Variants in MYH11 observed in about 807,000 individuals in gnomAD.
MYH11 encodes myosin-11.
A neutral mutation model predicts 246.6 loss-of-function variants in MYH11; 80 were observed. That is an observed-to-expected ratio of 0.32 (90% CI 0.27 to 0.39). The LOEUF is 0.39. Among genes scored for constraint, MYH11 ranks in the 10% least tolerant of loss-of-function variants. The pLI is 1.00. For synonymous variants in MYH11, 1,071 were observed against 1,015.5 expected (o/e 1.05, Z -1.04); for missense variants, 2,158 against 2,546.8 (o/e 0.85, Z 3.29).
chr16:15,784,540 G>A (rs1234660422), intron 5 of MYH11, among the ~76,000 whole-genome samples: 4 of 151,950 alleles, frequency 2.6e-5, no homozygotes, highest in Admixed American at 2.6e-4. Context: ...CCCACAGGAT[G>A]GTATTTTGGT....
intron 27 of MYH11, among the ~76,000 whole-genome samples, chr16:15,728,226 C>CTCAA (rs930269890): frequency 1.1e-4 from 17 of 152,128 alleles, no homozygotes; most frequent in African/African-American, 3.9e-4. Context: ...GAGACTCCAT[C>CTCAA]TCAATCAATC....
chr16:15,825,693 G>A (rs1011780832), intron 2 of MYH11, among the ~76,000 whole-genome samples: 1 of 152,024 alleles, frequency 6.6e-6, no homozygotes, highest in Non-Finnish European at 1.5e-5. Flanking sequence ...GGGTGAATAG[G>A]AGCATCTGAA....
chr16:15,828,686 G>A (rs1159260246), intron 2 of MYH11, among the ~76,000 whole-genome samples: 2 of 150,796 alleles, frequency 1.3e-5, no homozygotes, highest in African/African-American at 2.4e-5. Flanking sequence ...CCAGCTAGTC[G>A]GGAGGCCGAG....
chr16:15,725,577 C>A, intron 28 of MYH11: 1 of 406,604 alleles, frequency 2.5e-6, no homozygotes. Flanking sequence ...TGTTAGCCTA[C>A]CCCTCCATCT....
At chr16:15,711,673 T>C (rs1410166332) in intron 40 of MYH11, among the ~76,000 whole-genome samples, 1 of 152,148 alleles carries the variant, frequency 6.6e-6, no homozygotes, top group Non-Finnish European at 1.5e-5. Context: ...AGGTTCACTC[T>C]GCCTGGTGCT....
At chr16:15,813,403 A>C (rs1010888811) in intron 3 of MYH11, among the ~76,000 whole-genome samples, 2 of 151,440 alleles carry the variant, frequency 1.3e-5, no homozygotes, top group African/African-American at 4.9e-5. Context: ...TTATAATTTA[A>C]TTTTTTTTTA....
chr16:15,745,110 G>T lies in MYH11; in HGVS notation c.2520+19C>A, dbSNP rs764150238. On this transcript the variant is annotated intron_variant, in intron 20 of 40. Coordinates refer to ENST00000300036, the MANE Select transcript of MYH11 (RefSeq NM_002474.3). ...AGGGCTGGGGGCCCCTGGGAAGGGG[G>T]CTGGGGCAGAGCACTCACTTTGGTG... The T allele has an allele frequency of 1.9e-6, 3 of 1,601,708 alleles. No homozygotes were observed. The highest frequency in any genetic ancestry group is 2.6e-6 in the Non-Finnish European group (3 of 1,168,898).
intron 8 of MYH11, chr16:15,775,756 T>G (rs959344980): frequency 2.8e-6 from 1 of 354,770 alleles, no homozygotes; most frequent in African/African-American, 2.1e-5. Context: ...AATGTCTTTC[T>G]CCCTTTCCTT....
At chr16:15,742,878 C>T (rs1453141109) in intron 20 of MYH11, among the ~76,000 whole-genome samples, 1 of 151,580 alleles carries the variant, frequency 6.6e-6, no homozygotes, top group Non-Finnish European at 1.5e-5. Context: ...TGCAGTGACA[C>T]AATCATAGCT....
chr16:15,780,723 T>C (rs935592902), intron 6 of MYH11, among the ~76,000 whole-genome samples: 2 of 152,070 alleles, frequency 1.3e-5, no homozygotes, highest in African/African-American at 2.4e-5. Flanking sequence ...CCTCAGGTGA[T>C]CTTCCCAACT....
chr16:15,719,554 CTG>C (rs2040354649), intron 35 of MYH11, 29 bp downstream of exon 35: 1 of 1,613,306 alleles, frequency 6.2e-7, no homozygotes, highest in South Asian at 1.1e-5. Context: ...ACACCCGCAT[CTG>C]AGGCTCTCCT....
intron 1 of MYH11, among the ~76,000 whole-genome samples, 179 bp from the exon 2 acceptor site, chr16:15,838,448 G>C (rs1324979101): frequency 2.0e-5 from 3 of 152,124 alleles, no homozygotes; most frequent in Admixed American, 6.5e-5. Flanking sequence ...CTTCAGAAAG[G>C]GATGTGTGTC....
Position 15,786,773 on chromosome 16 carries a change from G to A in MYH11, c.531-41C>T. ...ACATCATCTATGCACACGTTCCATG[G>A]TGACCTTTCCGCAGTTCCATGAGCC... On this transcript the variant is annotated intron_variant, in intron 4 of 40. Transcript: ENST00000300036. The A allele has an allele frequency of 2.6e-6, 4 of 1,560,726 alleles. No individual in the cohort carries two copies. In the South Asian group the frequency reaches 3.4e-5, roughly 13 times the overall value.
chr16:15,782,517 T>C (rs1555567943), intron 5 of MYH11, 40 bp from the exon 6 acceptor site: 2 of 1,547,746 alleles, frequency 1.3e-6, no homozygotes, highest in Admixed American at 3.3e-5. Flanking sequence ...GAAAGCAACC[T>C]AGGTCCTGAC....
chr16:15,853,513 T>A (rs1020584850), intron 1 of MYH11, among the ~76,000 whole-genome samples: 9 of 152,180 alleles, frequency 5.9e-5, no homozygotes, highest in Non-Finnish European at 1.3e-4. Flanking sequence ...GAAACCCTGA[T>A]ACAAGTCACA....
At chr16:15,802,086 C>T (rs919883587) in intron 3 of MYH11, among the ~76,000 whole-genome samples, 1 of 152,232 alleles carries the variant, frequency 6.6e-6, no homozygotes, top group Non-Finnish European at 1.5e-5. Context: ...TGAACACATA[C>T]AATCTTTTCC....
intron 3 of MYH11, among the ~76,000 whole-genome samples, chr16:15,801,339 T>G (rs1248774072): frequency 6.6e-6 from 1 of 152,010 alleles, no homozygotes; most frequent in Non-Finnish European, 1.5e-5. Flanking sequence ...TAGCATAGTG[T>G]TATACCTTTT....
chr16:15,780,469 T>C (rs2042324170), intron 6 of MYH11, among the ~76,000 whole-genome samples: 1 of 139,536 alleles, frequency 7.2e-6, no homozygotes. Context: ...CTTTAGATTT[T>C]TACGCTTTTT....
chr16:15,829,145 C>T (rs2043658074), intron 2 of MYH11, among the ~76,000 whole-genome samples: 1 of 150,898 alleles, frequency 6.6e-6, no homozygotes, highest in Non-Finnish European at 1.5e-5. Flanking sequence ...ATCATGCCAC[C>T]ACACTCCAGC....
Sources: allele counts gnomAD v4.1 joint callset (sites outside exome capture counted in the v4.1 genomes callset), GRCh38; gene constraint gnomAD v4.1.1; transcripts MANE v1.5; gene names NCBI Gene and HGNC (gene_info 2026-07-23, HGNC 2026-07-21).